LRBA: variants seen among roughly 807,000 people sequenced by gnomAD.
The protein encoded by LRBA is lipopolysaccharide-responsive and beige-like anchor protein.
Under a neutral mutation model 330.0 loss-of-function variants are expected in LRBA, and 176 were observed. The ratio of observed to expected loss-of-function variants is 0.53; its 90% CI spans 0.47 to 0.60. LRBA has a LOEUF of 0.60. Ranked by LOEUF, LRBA falls within the 20% of genes least tolerant of loss-of-function variation. The pLI is 0.00. For missense variants in LRBA, 3,259 were observed against 3,444.8 expected, an observed-to-expected ratio of 0.95 and a Z score of 1.35; for synonymous variants, 1,230 against 1,193.0, an observed-to-expected ratio of 1.03 and a Z score of -0.64.
intron 36 of LRBA, among the ~76,000 whole-genome samples, chr4:150,699,644 T>TAATGGG (rs1387638544): frequency 1.1e-4 from 16 of 152,200 alleles, no homozygotes; most frequent in Non-Finnish European, 1.9e-4. Flanking sequence ...AATGGGTACA[T>TAATGGG]TAGGTTTATC....
At chr4:150,821,579 A>G (rs1462359289) in intron 30 of LRBA, among the ~76,000 whole-genome samples, 1 of 152,174 alleles carries the variant, frequency 6.6e-6, no homozygotes, top group African/African-American at 2.4e-5. Context: ...CCCGATCAAT[A>G]AAGTTGAGAA....
At chr4:150,962,007 T>C (rs1487343003) in intron 2 of LRBA, among the ~76,000 whole-genome samples, 2 of 149,350 alleles carry the variant, frequency 1.3e-5, no homozygotes, top group African/African-American at 5.2e-5. Flanking sequence ...CAAGAAGTGG[T>C]GCTGCTAGAA....
chr4:150,787,173 T>C (rs1312823248), intron 34 of LRBA, among the ~76,000 whole-genome samples: 3 of 151,856 alleles, frequency 2.0e-5, no homozygotes, highest in Non-Finnish European at 4.4e-5. Flanking sequence ...GGAGCCAAGA[T>C]TGCGCCACTG....
At chr4:150,705,736 T>C (rs1785555353) in intron 36 of LRBA, among the ~76,000 whole-genome samples, 1 of 151,974 alleles carries the variant, frequency 6.6e-6, no homozygotes, top group South Asian at 2.1e-4. Context: ...ATGACAAAAT[T>C]GAACATTCTT....
intron 2 of LRBA, among the ~76,000 whole-genome samples, chr4:150,944,952 C>T (rs569388272): frequency 2.0e-5 from 3 of 152,276 alleles, no homozygotes; most frequent in Admixed American, 1.3e-4. Flanking sequence ...TCTTGCCTGC[C>T]GCATATAAGA....
In LRBA at chr4:150,929,073, G is replaced by GAA; in HGVS notation, c.217-9_217-8insTT. On this transcript the variant is annotated splice_polypyrimidine_tract_variant and intron_variant, in intron 2 of 56. Transcript: ENST00000651943. ...AAACTGTCCTCCTACCAACTTACAA[G>GAA]GAAAAAAAAAAAACACATTAAAAGC... is the stretch of plus-strand genomic sequence containing the variant. 2 of 1,538,214 alleles carry GAA rather than the reference G, an allele frequency of 1.3e-6. No individual in the cohort carries two copies. Among genetic ancestry groups the GAA allele is most frequent in the South Asian group, 1.2e-5 (1 of 85,346 alleles).
chr4:150,928,972 T>C lies in LRBA; in HGVS notation c.310A>G (p.Ile104Val). The C allele has an allele frequency of 6.2e-7, 1 of 1,613,902 alleles. No individual in the cohort carries two copies. The highest frequency in any genetic ancestry group is 8.5e-7 in the Non-Finnish European group (1 of 1,179,936). ...CTCCAGACTTCTGCTTGGCACGTAA[T>C]GTCACATTTTTCCAGTAGGTCCACC... is the stretch of plus-strand genomic sequence containing the variant. ...CMVDLLEKCD[I>V]TCQAEVWSMF... Residue 104 changes from isoleucine (I) to valine (V), a missense_variant, in exon 3 of 57, where the codon ATT (isoleucine) becomes GTT (valine). Ile to Val is a conservative substitution (Grantham distance 29). Transcript: ENST00000651943.
chr4:150,748,944 C>G (rs1733145319), intron 35 of LRBA, among the ~76,000 whole-genome samples: 1 of 152,108 alleles, frequency 6.6e-6, no homozygotes, highest in Non-Finnish European at 1.5e-5. Flanking sequence ...AGCAAAGACC[C>G]AGCCCTCATC....
At position 150,925,004 on chromosome 4, in the gene LRBA, T is replaced by C. The variant is rs543491914; in HGVS notation, c.549+3512A>G. Among the ~76,000 whole-genome samples the C allele has an allele frequency of 3.9e-5, 6 of 151,964 alleles. No individual in the cohort carries two copies. The East Asian group carries it at 5.8e-4, about 15-fold the overall frequency. On this transcript the variant is annotated intron_variant, in intron 4 of 56. Coordinates refer to ENST00000651943, the MANE Select transcript of LRBA (RefSeq NM_001364905.1). ...GGACAACATGGCAAAACCCAGCCTC[T>C]AAAAGAAATGCAAAAATTAGCCTGG...
chr4:150,894,267 C>G (rs1729816247), intron 16 of LRBA, among the ~76,000 whole-genome samples: 3 of 152,058 alleles, frequency 2.0e-5, no homozygotes, highest in Admixed American at 2.0e-4. Context: ...CTGTGCCTCT[C>G]CAGAAACTAG....
chr4:150,583,152 G>A lies in LRBA; in HGVS notation c.6330+4896C>T, dbSNP rs770336078. The stretch of plus-strand genomic sequence containing the variant: ...AGGTCTGTAAGGTGGTCTCGGACGT[G>A]CTCAAGGAAGTGGAGGTGCAGGAGC... On this transcript the variant is annotated intron_variant, in intron 40 of 56. Transcript: ENST00000651943. This position sits in a 1 kb window ranked among gnomAD's most constrained non-coding sequence, Gnocchi z 9.8. The A allele has an allele frequency of 1.9e-6, 3 of 1,614,078 alleles. No individual in the cohort carries two copies. In the African/African-American group the frequency reaches 4.0e-5, roughly 22 times the overall value.
At chr4:150,883,258 C>A (rs1256179431) in intron 17 of LRBA, among the ~76,000 whole-genome samples, 1 of 152,036 alleles carries the variant, frequency 6.6e-6, no homozygotes, top group Non-Finnish European at 1.5e-5. Flanking sequence ...GTCAGGAGAT[C>A]AAGACCAGCC....
chr4:150,358,393 T>G (rs1367380679), intron 47 of LRBA, among the ~76,000 whole-genome samples: 2 of 152,130 alleles, frequency 1.3e-5, no homozygotes, highest in Non-Finnish European at 2.9e-5. Context: ...GAAGGTAGAC[T>G]AGCCTGCCTT....
At chr4:150,652,130 G>A (rs528190318) in intron 37 of LRBA, among the ~76,000 whole-genome samples, 17 of 152,112 alleles carry the variant, frequency 1.1e-4, no homozygotes, top group Non-Finnish European at 2.4e-4. Context: ...GCCACTACGC[G>A]GGGCACCAAT....
chr4:150,412,357 A>G (rs1329477009), intron 47 of LRBA, among the ~76,000 whole-genome samples: 1 of 152,238 alleles, frequency 6.6e-6, no homozygotes, highest in African/African-American at 2.4e-5. Flanking sequence ...TATTTGGTAT[A>G]TAACTTTACA....
chr4:150,349,656 C>A (rs1199769955), intron 48 of LRBA, among the ~76,000 whole-genome samples: 1 of 152,036 alleles, frequency 6.6e-6, no homozygotes, highest in Non-Finnish European at 1.5e-5. Context: ...TAAATTTATG[C>A]TCATAATCAT....
chr4:150,725,932 T>C (rs192498103), intron 36 of LRBA, among the ~76,000 whole-genome samples: 53 of 152,306 alleles, frequency 3.5e-4, no homozygotes, highest in Admixed American at 3.4e-3. Flanking sequence ...TAGTTTTACA[T>C]AACAGGTTAT....
At chr4:150,578,370 T>C (rs1770804256) in intron 40 of LRBA, among the ~76,000 whole-genome samples, 1 of 152,214 alleles carries the variant, frequency 6.6e-6, no homozygotes, top group African/African-American at 2.4e-5. Flanking sequence ...TGCTTCTAAT[T>C]TTAATTATAA....
At chr4:150,967,020 T>A (rs1738979584) in intron 2 of LRBA, among the ~76,000 whole-genome samples, 1 of 152,240 alleles carries the variant, frequency 6.6e-6, no homozygotes. Context: ...TGAGATCTAC[T>A]ATTTACTCCA....
Sources: gnomAD v4.1 joint callset for allele counts (sites outside exome capture counted in the v4.1 genomes callset) on GRCh38, gnomAD v4.1.1 for gene constraint, Gnocchi (gnomAD v3.1) non-coding constraint, MANE v1.5 for transcripts, NCBI Gene and HGNC (gene_info 2026-07-23, HGNC 2026-07-21) for gene names.